HDAC4: variants seen among roughly 807,000 people sequenced by gnomAD.
The protein encoded by HDAC4 is histone deacetylase A.
Under a neutral mutation model 135.1 loss-of-function variants are expected in HDAC4, and 16 were observed. The observed-to-expected ratio is 0.12, with a 90% CI of 0.08 to 0.18. The LOEUF (loss-of-function observed/expected upper bound fraction) is 0.18, where lower values mean the gene tolerates loss of function less well. HDAC4 is among the 10% of genes least tolerant of loss of function. The pLI is 1.00. For missense variants in HDAC4, 1,143 were observed against 1,511.8 expected (o/e 0.76, Z 4.05); for synonymous variants, 685 against 653.4 (o/e 1.05, Z -0.74).
rs1036018074 is a variant in HDAC4, at chr2:239,313,937, C to T, written c.22+38741G>A. Among the ~76,000 whole-genome samples the T allele has an allele frequency of 2.6e-5, 4 of 152,172 alleles. No homozygotes were observed. Among genetic ancestry groups the T allele is most frequent in the African/African-American group, 7.2e-5 (3 of 41,446 alleles). ...CCCTGTGAGTGTGCGTGGGGAGGGGCTGTAGTTCCCTTGGCAGGGGAAGCC... is the reference window on the plus strand; with the variant it reads ...CCCTGTGAGTGTGCGTGGGGAGGGGTTGTAGTTCCCTTGGCAGGGGAAGCC... On this transcript the variant is annotated intron_variant, in intron 2 of 26. Coordinates refer to ENST00000543185, the MANE Select transcript of HDAC4 (RefSeq NM_001378414.1). The surrounding 1 kb of genome is among the most constrained non-coding windows in gnomAD (Gnocchi z 5.1).
intron 2 of HDAC4, among the ~76,000 whole-genome samples, chr2:239,247,442 C>T (rs1242117308): frequency 1.3e-5 from 2 of 152,172 alleles, no homozygotes; most frequent in African/African-American, 2.4e-5. Flanking sequence ...AGATAAAGAA[C>T]GAGGCACACA....
chr2:239,182,568 A>G (rs2044220946), intron 4 of HDAC4, among the ~76,000 whole-genome samples: 1 of 152,142 alleles, frequency 6.6e-6, no homozygotes, highest in African/African-American at 2.4e-5. Context: ...CTGATTCCCT[A>G]CCTGCCCCCG....
chr2:239,368,504 A>C (rs974151672), intron 1 of HDAC4, among the ~76,000 whole-genome samples: 2 of 152,170 alleles, frequency 1.3e-5, no homozygotes, highest in African/African-American at 4.8e-5. Flanking sequence ...GTGCCAAGCA[A>C]GAAAAACTGG....
At chr2:239,124,286 C>A (rs1328930605) in intron 12 of HDAC4, among the ~76,000 whole-genome samples, 3 of 152,214 alleles carry the variant, frequency 2.0e-5, no homozygotes, top group African/African-American at 7.2e-5. Context: ...AGGCGCTGTT[C>A]CCCAGAAATG....
At chr2:239,190,684 G>C (rs1289428667) in intron 3 of HDAC4, among the ~76,000 whole-genome samples, 1 of 152,200 alleles carries the variant, frequency 6.6e-6, no homozygotes, top group Admixed American at 6.5e-5. Flanking sequence ...AACGAGACGT[G>C]CTCCTGGCTC....
At chr2:239,205,664 G>GAAGAAGAAGA (rs1324628530) in intron 3 of HDAC4, among the ~76,000 whole-genome samples, 3 of 151,930 alleles carry the variant, frequency 2.0e-5, no homozygotes, top group African/African-American at 7.3e-5. Flanking sequence ...AACAACACAG[G>GAAGAAGAAGA]AAGAAGAAGA....
intron 3 of HDAC4, among the ~76,000 whole-genome samples, chr2:239,224,758 G>A (rs557856289): frequency 6.6e-6 from 1 of 152,330 alleles, no homozygotes; most frequent in African/African-American, 2.4e-5. Flanking sequence ...ATATGAATGA[G>A]TGAATGAATG....
chr2:239,064,988 A>T (rs2033282380), intron 24 of HDAC4, among the ~76,000 whole-genome samples: 2 of 152,208 alleles, frequency 1.3e-5, no homozygotes, highest in Non-Finnish European at 1.5e-5. Flanking sequence ...CGCCGTGCTT[A>T]ACTACAGGGG....
intron 1 of HDAC4, among the ~76,000 whole-genome samples, chr2:239,353,778 T>C (rs576829850): frequency 6.6e-6 from 1 of 152,272 alleles, no homozygotes; most frequent in Non-Finnish European, 1.5e-5. Flanking sequence ...ATGAAATAAA[T>C]ATGAAATAAA....
chr2:239,399,747 G>A (rs1160257265), intron 1 of HDAC4, among the ~76,000 whole-genome samples: 1 of 152,190 alleles, frequency 6.6e-6, no homozygotes. Context: ...CTCCCTCACG[G>A]AGAGCAAGCA....
In HDAC4 at chr2:239,376,599, G is replaced by A. The variant is rs569578124; in HGVS notation, c.-219-23681C>T. Among the ~76,000 whole-genome samples the A allele has an allele frequency of 7.2e-5, 11 of 152,344 alleles. No individual in the cohort carries two copies. The East Asian group carries it at 2.1e-3, about 29-fold the overall frequency. On this transcript the variant is annotated intron_variant, in intron 1 of 26. Transcript: ENST00000543185. ...CCACACCACACACACCACCTGCCGG[G>A]AGCACAACACCCGCCCCAGGGGGAG...
At chr2:239,106,612 G>C (rs2152778661) in intron 15 of HDAC4, among the ~76,000 whole-genome samples, 1 of 152,332 alleles carries the variant, frequency 6.6e-6, no homozygotes, top group African/African-American at 2.4e-5. Context: ...CACTGCAGGA[G>C]AGGGTCCTGG....
Position 239,102,777 on chromosome 2 carries a change from T to G in HDAC4, c.2232A>C (p.Leu744=). ...GAGGAAAGGAAGGTCCTGAAATACC[T>G]AGAAGTTTCTTACTGTCCAGTTTCT... ...NRQKLDSKKL[L]GSLASVFVRL... is the part of the protein sequence containing the mutation. Residue 744 remains leucine (L), a splice_region_variant and synonymous_variant, in exon 16 of 27, where the codon CTA becomes CTC. Transcript: ENST00000543185. 1 of 1,613,800 alleles carries G rather than the reference T, an allele frequency of 6.2e-7. No homozygotes were observed. The highest frequency in any genetic ancestry group is 8.5e-7 in the Non-Finnish European group (1 of 1,180,004).
At chr2:239,340,686 A>C (rs923275916) in intron 2 of HDAC4, among the ~76,000 whole-genome samples, 1 of 152,130 alleles carries the variant, frequency 6.6e-6, no homozygotes. Flanking sequence ...GAAAAGAACC[A>C]CCTGCCTTGA....
intron 1 of HDAC4, among the ~76,000 whole-genome samples, chr2:239,364,194 C>T (rs145047042): frequency 6.6e-6 from 1 of 152,326 alleles, no homozygotes. Flanking sequence ...CCCAGCAATG[C>T]CAGCCCGAGG....
At chr2:239,143,781 T>G (rs2041567894) in intron 8 of HDAC4, among the ~76,000 whole-genome samples, 1 of 152,226 alleles carries the variant, frequency 6.6e-6, no homozygotes, top group Admixed American at 6.5e-5. Flanking sequence ...AACAGCCTGC[T>G]CAGTGGAACT....
intron 3 of HDAC4, among the ~76,000 whole-genome samples, chr2:239,211,558 A>G (rs1281997870): frequency 6.6e-6 from 1 of 152,246 alleles, no homozygotes; most frequent in African/African-American, 2.4e-5. Context: ...TTAGTTTCTC[A>G]CCTCACTTGG....
At chr2:239,128,346 T>C (rs2152857923) in intron 11 of HDAC4, among the ~76,000 whole-genome samples, 1 of 152,092 alleles carries the variant, frequency 6.6e-6, no homozygotes, top group South Asian at 2.1e-4. Context: ...CTGGCCAACA[T>C]GGCAAAACCC....
intron 2 of HDAC4, among the ~76,000 whole-genome samples, chr2:239,257,601 C>T (rs563084080): frequency 6.6e-6 from 1 of 152,204 alleles, no homozygotes; most frequent in Admixed American, 6.5e-5. Context: ...AAAGAGACTC[C>T]ACAATAAATG....
Sources: allele counts gnomAD v4.1 joint callset (sites outside exome capture counted in the v4.1 genomes callset), GRCh38; gene constraint gnomAD v4.1.1; non-coding constraint Gnocchi (gnomAD v3.1); transcripts MANE v1.5; gene names NCBI Gene and HGNC (gene_info 2026-07-23, HGNC 2026-07-21).